The following CCDC187 variants were observed in gnomAD, a reference collection of about 807,000 sequenced individuals.
CCDC187 encodes the protein coiled-coil domain containing 187.
In CCDC187, 32 loss-of-function variants were observed where a neutral mutation model predicts 38.0. The observed-to-expected ratio is 0.84, with a 90% CI of 0.64 to 1.13. The LOEUF is 1.13. CCDC187 is among the 50% of genes most tolerant of loss of function. The pLI, the probability that CCDC187 is intolerant of heterozygous loss-of-function variation, is 0.00. For missense variants in CCDC187, 707 were observed against 786.8 expected (o/e 0.90, Z 1.21); for synonymous variants, 333 against 347.9 (o/e 0.96, Z 0.48).
chr9:136,260,675 C>T (rs1830668738), intron 19 of CCDC187, among the ~76,000 whole-genome samples: 1 of 152,154 alleles, frequency 6.6e-6, no homozygotes, highest in South Asian at 2.1e-4. Flanking sequence ...CGTCGTCTGC[C>T]TCCCTTTCTC....
At chr9:136,261,888 C>A (rs1337845225) in intron 19 of CCDC187, among the ~76,000 whole-genome samples, 1 of 152,192 alleles carries the variant, frequency 6.6e-6, no homozygotes, top group East Asian at 1.9e-4. Flanking sequence ...CATTTCGAGC[C>A]CGGAAAGAAG....
Position 136,255,705 on chromosome 9 carries a change from C to T in CCDC187, c.4645G>A (p.Gly1549Ser), listed in dbSNP as rs887833699. 2 of 985,322 alleles carry T rather than the reference C, an allele frequency of 2.0e-6. No homozygotes were observed. Among genetic ancestry groups the T allele is most frequent in the South Asian group, 4.7e-5 (1 of 21,292 alleles). The allele number at this position is 985,322 out of a possible 1,614,324, so 61.0% of individuals were successfully genotyped here. A position where few individuals can be genotyped will look rare whatever the true frequency, so the allele number is the denominator to read the frequency against. Reference sequence around the variant, plus strand: ...GCCTCCAGCCAGGTGGAGGAGATGCCGGGGACCTCCTGCTGACAGGCCTCC... The same window carrying T: ...GCCTCCAGCCAGGTGGAGGAGATGCTGGGGACCTCCTGCTGACAGGCCTCC... ...RTEACQQEVP[G>S]ISSTWLEAAQ... is the part of the protein sequence containing the mutation. The change falls in exon 25 of 26, where the codon GGC (glycine) becomes AGC (serine). Residue 1549 changes from glycine to serine, a missense_variant. Transcript: ENST00000638797.
chr9:136,258,640 A>T lies in CCDC187; in HGVS notation c.4366+292T>A. On this transcript the variant is annotated intron_variant, in intron 22 of 25. Coordinates refer to ENST00000638797, the MANE Select transcript of CCDC187 (RefSeq NM_001378188.1). This position sits in a 1 kb window ranked among gnomAD's most constrained non-coding sequence, Gnocchi z 4.3. Reference sequence around the variant, plus strand: ...GACGCTCAGGCAGTGCTGGCTTCCAAACACTTAAAAATCTGCCCCAGATGA... The same window carrying T: ...GACGCTCAGGCAGTGCTGGCTTCCATACACTTAAAAATCTGCCCCAGATGA... The T allele has an allele frequency of 1.0e-6, 1 of 954,864 alleles. No individual in the cohort carries two copies. Among genetic ancestry groups the T allele is most frequent in the Non-Finnish European group, 1.2e-6 (1 of 802,196 alleles). 59.1% of individuals were successfully genotyped at this position (954,864 alleles called of 1,614,324 possible). A position where few individuals can be genotyped will look rare whatever the true frequency, so the allele number is the denominator to read the frequency against.
intron 17 of CCDC187, among the ~76,000 whole-genome samples, chr9:136,265,145 G>A (rs1564309129): frequency 6.6e-6 from 1 of 152,232 alleles, no homozygotes; most frequent in Admixed American, 6.5e-5. Flanking sequence ...GCCGCGACCT[G>A]TGAGGAGCCC....
chr9:136,283,993 G>A (rs1330277153), intron 9 of CCDC187, among the ~76,000 whole-genome samples: 3 of 152,150 alleles, frequency 2.0e-5, no homozygotes, highest in African/African-American at 4.8e-5. Context: ...CAACCCAAAG[G>A]CCCTGGCGCA....
rs536346630 is a variant in CCDC187, at chr9:136,256,339, A to G, written c.4504-16T>C. On this transcript the variant is annotated splice_polypyrimidine_tract_variant and intron_variant, in intron 23 of 25. Transcript: ENST00000638797. ...CAGCCACCTGCTGGAGAGACGTTGCAGAAATGACACTGTTGGGGTGTGGCC... is the reference window on the plus strand; with the variant it reads ...CAGCCACCTGCTGGAGAGACGTTGCGGAAATGACACTGTTGGGGTGTGGCC... The G allele has an allele frequency of 1.1e-5, 11 of 980,288 alleles. No individual in the cohort carries two copies. The East Asian group carries it at 1.3e-3, about 112-fold the overall frequency. The allele number at this position is 980,288 out of a possible 1,614,324, so 60.7% of individuals were successfully genotyped here. A position where few individuals can be genotyped will look rare whatever the true frequency, so the allele number is the denominator to read the frequency against.
chr9:136,274,150 G>A (rs1554762858), intron 14 of CCDC187, among the ~76,000 whole-genome samples: 1 of 152,208 alleles, frequency 6.6e-6, no homozygotes, highest in African/African-American at 2.4e-5. Context: ...AAGACAGGTT[G>A]TACCCAGGCT....
chr9:136,285,981 A>C, intron 8 of CCDC187, 104 bp downstream of exon 8: 1 of 397,562 alleles, frequency 2.5e-6, no homozygotes, highest in East Asian at 3.6e-5. Flanking sequence ...CCCCCTTTCC[A>C]GAAAGGAAAC....
At position 136,255,736 on chromosome 9, in the gene CCDC187, G is replaced by A. The variant is rs2131106836; in HGVS notation, c.4617-3C>T. The A allele has an allele frequency of 6.1e-6, 6 of 985,430 alleles. No individual in the cohort carries two copies. In the South Asian group the frequency reaches 1.4e-4, roughly 23 times the overall value. 61.0% of individuals were successfully genotyped at this position (985,430 alleles called of 1,614,324 possible). ...CCTCCTGCTGACAGGCCTCCGTCCT[G>A]CAAGCACATTCGTGGAGAACCCTGT... On this transcript the variant is annotated splice_region_variant and splice_polypyrimidine_tract_variant and intron_variant, in intron 24 of 25. Transcript: ENST00000638797.
intron 12 of CCDC187, among the ~76,000 whole-genome samples, chr9:136,275,692 A>G (rs1830918842): frequency 6.6e-6 from 1 of 151,196 alleles, no homozygotes; most frequent in African/African-American, 2.5e-5. Flanking sequence ...ACTGGGTGAC[A>G]TTGTCCCCTC....
At chr9:136,285,845 G>A (rs1242247922) in intron 8 of CCDC187, 19 of 396,950 alleles carry the variant, frequency 4.8e-5, no homozygotes, top group African/African-American at 2.1e-5. Flanking sequence ...TAGCTGCTGC[G>A]GGTGCCATGT....
intron 10 of CCDC187, among the ~76,000 whole-genome samples, chr9:136,278,765 C>T (rs1021446727): frequency 5.3e-5 from 8 of 152,212 alleles, no homozygotes; most frequent in Non-Finnish European, 1.2e-4. Context: ...TCCAACATGG[C>T]GGCTGGCAGC....
chr9:136,298,897 G>A (rs1225795021), intron 3 of CCDC187, among the ~76,000 whole-genome samples: 1 of 152,242 alleles, frequency 6.6e-6, no homozygotes, highest in Non-Finnish European at 1.5e-5. Context: ...AATGTGCTCA[G>A]CGCCACTGAA....
chr9:136,301,363 C>T (rs1255710394), intron 2 of CCDC187, among the ~76,000 whole-genome samples: 1 of 3,284 alleles, frequency 3.0e-4, no homozygotes, highest in African/African-American at 1.0e-3. Flanking sequence ...GATAGGAGGT[C>T]CCCAGAGTTG....
chr9:136,267,622 C>G (rs1830770352), intron 15 of CCDC187, 111 bp from the exon 16 acceptor site: 1 of 985,230 alleles, frequency 1.0e-6, no homozygotes, highest in East Asian at 1.1e-4. Flanking sequence ...AGACCGCTCC[C>G]AGCACAGGCC....
chr9:136,281,381 C>T (rs1384708071), intron 10 of CCDC187, 170 bp downstream of exon 10: 32 of 398,364 alleles, frequency 8.0e-5, no homozygotes, highest in Middle Eastern at 1.2e-3. Context: ...CAGAGGGTCC[C>T]GAAAGCCTCT....
chr9:136,284,909 TG>T (rs1332267578), intron 9 of CCDC187, among the ~76,000 whole-genome samples: 299 of 152,200 alleles, frequency 2.0e-3, no homozygotes, highest in African/African-American at 6.3e-3. Flanking sequence ...GGACCAAGCC[TG>T]CTGGGCTCCG....
At chr9:136,267,663 C>G in intron 15 of CCDC187, 152 bp from the exon 16 acceptor site, 1 of 967,300 alleles carries the variant, frequency 1.0e-6, no homozygotes, top group Non-Finnish European at 1.2e-6. Context: ...TCGGACTGCC[C>G]GCCCCTCCCA....
In CCDC187 at chr9:136,290,469, C is replaced by G; in HGVS notation, c.2127+17G>C. The stretch of plus-strand genomic sequence containing the variant: ...CATGGCTGAGCCGAGTCCCCCCAAC[C>G]CAACCCCAGCATGTACCCCGGACTG... On this transcript the variant is annotated intron_variant, in intron 6 of 25. Transcript: ENST00000638797. 1 of 398,684 alleles carries G rather than the reference C, an allele frequency of 2.5e-6. No individual in the cohort carries two copies. The allele number at this position is 398,684 out of a possible 1,614,324, so 24.7% of individuals were successfully genotyped here. A position where few individuals can be genotyped will look rare whatever the true frequency, so the allele number is the denominator to read the frequency against.
Sources: gnomAD v4.1 joint callset for allele counts (sites outside exome capture counted in the v4.1 genomes callset) on GRCh38, gnomAD v4.1.1 for gene constraint, Gnocchi (gnomAD v3.1) non-coding constraint, MANE v1.5 for transcripts, NCBI Gene and HGNC (gene_info 2026-07-23, HGNC 2026-07-21) for gene names.